The following ILDR1 variants were observed in gnomAD, a reference collection of about 807,000 sequenced individuals.
ILDR1 encodes immunoglobulin-like domain-containing receptor 1.
ILDR1 carries 56 observed loss-of-function variants against 62.4 expected under a neutral mutation model. That is an observed-to-expected ratio of 0.90 (90% CI 0.72 to 1.12). ILDR1 has a LOEUF of 1.12. Among genes scored for constraint, ILDR1 ranks in the 50% most tolerant of loss-of-function variants. ILDR1 has a pLI of 0.00. For synonymous variants in ILDR1, 284 were observed against 277.8 expected (o/e 1.02, Z -0.22); for missense variants, 736 against 710.6 (o/e 1.04, Z -0.41).
chr3:122,021,197 G>A (rs1244330423), intron 1 of ILDR1, among the ~76,000 whole-genome samples: 2 of 152,120 alleles, frequency 1.3e-5, no homozygotes, highest in Admixed American at 1.3e-4. Flanking sequence ...AAACAGGGTG[G>A]AGCTTCCAAG....
At chr3:122,006,870 A>T in intron 2 of ILDR1, 121 bp downstream of exon 2, 1 of 1,051,952 alleles carries the variant, frequency 9.5e-7, no homozygotes, top group Non-Finnish European at 1.4e-6. Context: ...ACATTAGGTG[A>T]TCTTTGTGTC....
intron 5 of ILDR1, among the ~76,000 whole-genome samples, chr3:121,994,891 G>A (rs182374079): frequency 5.9e-4 from 90 of 152,316 alleles, no homozygotes; most frequent in Admixed American, 1.2e-3. Context: ...AGGCAAGGGC[G>A]TGCAAAAAGC....
the ILDR1 span, among the ~76,000 whole-genome samples, chr3:122,046,536 C>T: frequency 1.4e-5 from 2 of 144,744 alleles, no homozygotes; most frequent in East Asian, 4.1e-4. Context: ...TTCCATTCTC[C>T]CCATCACTTT....
At chr3:122,060,609 G>A in the ILDR1 span, among the ~76,000 whole-genome samples, 27 of 151,702 alleles carry the variant, frequency 1.8e-4, no homozygotes, top group Non-Finnish European at 2.4e-4. Flanking sequence ...GCAACATAGC[G>A]AGACTCCCAT....
Position 122,018,395 on chromosome 3 carries a change from G to T in ILDR1, c.58+3625C>A, listed in dbSNP as rs776441271. ...ATCACACACCAGGGCCTGTTGGGGTGGGGGGGGGGTAGGGGAGGGATAACA... is the reference window on the plus strand; with the variant it reads ...ATCACACACCAGGGCCTGTTGGGGTTGGGGGGGGGTAGGGGAGGGATAACA... On this transcript the variant is annotated intron_variant, in intron 1 of 7. Coordinates refer to ENST00000344209, the MANE Select transcript of ILDR1 (RefSeq NM_001199799.2). Among the ~76,000 whole-genome samples, 17 of 108,090 alleles carry T rather than the reference G, an allele frequency of 1.6e-4. No individual in the cohort carries two copies. The East Asian group carries it at 2.6e-3, about 17-fold the overall frequency. 70.9% of individuals were successfully genotyped at this position (108,090 alleles called of 152,430 possible).
chr3:122,045,289 G>C, the ILDR1 span, among the ~76,000 whole-genome samples: 1 of 148,780 alleles, frequency 6.7e-6, no homozygotes, highest in South Asian at 2.2e-4. Flanking sequence ...GAGATAGTTT[G>C]TTATAATTTC....
the ILDR1 span, among the ~76,000 whole-genome samples, chr3:122,051,140 A>T: frequency 6.6e-6 from 1 of 152,084 alleles, no homozygotes; most frequent in Non-Finnish European, 1.5e-5. Context: ...ATTTAGGCCT[A>T]TTGGGCTTCT....
intron 1 of ILDR1, among the ~76,000 whole-genome samples, chr3:122,020,131 G>A (rs1445509606): frequency 6.6e-6 from 1 of 152,180 alleles, no homozygotes; most frequent in Non-Finnish European, 1.5e-5. Context: ...AGAGAAACTT[G>A]TTTCCTTAAA....
upstream of ILDR1, among the ~76,000 whole-genome samples, chr3:122,023,101 A>G (rs1452218198): frequency 6.6e-6 from 1 of 151,048 alleles, no homozygotes; most frequent in Non-Finnish European, 1.5e-5. Context: ...GCACTGTTCA[A>G]GTAGGTATAT....
chr3:121,988,539 C>G (rs2071288153), intron 7 of ILDR1, 131 bp from the exon 8 acceptor site: 3 of 736,830 alleles, frequency 4.1e-6, no homozygotes, highest in Non-Finnish European at 7.3e-6. Context: ...AGATCTGAAC[C>G]TAAAAAGTAT....
intron 2 of ILDR1, among the ~76,000 whole-genome samples, chr3:122,005,800 AAGG>A (rs2071599391): frequency 6.6e-6 from 1 of 152,044 alleles, no homozygotes. Context: ...TCGGGAGGCT[AAGG>A]CAGGAGAGTC....
chr3:122,024,449 T>C (rs187244017), upstream of ILDR1, among the ~76,000 whole-genome samples: 14 of 152,342 alleles, frequency 9.2e-5, no homozygotes, highest in East Asian at 2.7e-3. Context: ...TTATCTCAAG[T>C]GCATTAGAAT....
the ILDR1 span, among the ~76,000 whole-genome samples, chr3:122,052,349 G>A: frequency 6.6e-6 from 1 of 152,252 alleles, no homozygotes; most frequent in African/African-American, 2.4e-5. Context: ...TTGGTTGCAT[G>A]CTTCACTCTT....
intron 1 of ILDR1, among the ~76,000 whole-genome samples, chr3:122,010,263 GT>G (rs1211710372): frequency 1.3e-5 from 2 of 152,118 alleles, no homozygotes; most frequent in African/African-American, 4.8e-5. Flanking sequence ...TGAGTGGGAG[GT>G]GGGGCGATGG....
chr3:122,036,037 T>A, the ILDR1 span, among the ~76,000 whole-genome samples: 1 of 152,170 alleles, frequency 6.6e-6, no homozygotes, highest in East Asian at 1.9e-4. Flanking sequence ...TAGGCTGAGG[T>A]GGTCTCAGAT....
chr3:122,012,934 C>A (rs2071725199), intron 1 of ILDR1, among the ~76,000 whole-genome samples: 1 of 152,146 alleles, frequency 6.6e-6, no homozygotes. Flanking sequence ...TTGCCAGGCT[C>A]TGTGAAAGAA....
chr3:122,045,700 G>C, the ILDR1 span, among the ~76,000 whole-genome samples: 1 of 151,236 alleles, frequency 6.6e-6, no homozygotes, highest in Non-Finnish European at 1.5e-5. Flanking sequence ...TTTGATCTTT[G>C]TTGGTTTAAC....
intron 7 of ILDR1, among the ~76,000 whole-genome samples, chr3:121,989,134 T>C (rs777155000): frequency 2.0e-5 from 3 of 152,228 alleles, no homozygotes; most frequent in Non-Finnish European, 4.4e-5. Flanking sequence ...TCCTAAAATA[T>C]ACTGCTCAAA....
chr3:121,993,051 G>T, intron 7 of ILDR1, 99 bp downstream of exon 7: 1 of 991,714 alleles, frequency 1.0e-6, no homozygotes, highest in Non-Finnish European at 1.6e-6. Context: ...GGCACCCTCT[G>T]TGGTGGAATG....
Sources: gnomAD v4.1 joint callset for allele counts (sites outside exome capture counted in the v4.1 genomes callset) on GRCh38, gnomAD v4.1.1 for gene constraint, MANE v1.5 for transcripts, NCBI Gene and HGNC (gene_info 2026-07-23, HGNC 2026-07-21) for gene names.